Variants in PRKD3 observed in about 807,000 individuals in gnomAD.
PRKD3 encodes serine/threonine-protein kinase D3.
Under a neutral mutation model 99.2 loss-of-function variants are expected in PRKD3, and 47 were observed. The observed-to-expected ratio is 0.47, with a 90% CI of 0.38 to 0.60. The LOEUF (loss-of-function observed/expected upper bound fraction) is 0.60. Among genes scored for constraint, PRKD3 ranks in the 20% least tolerant of loss-of-function variants. The pLI is 0.00. For synonymous variants in PRKD3, 392 were observed against 355.4 expected (o/e 1.10, Z -1.16); for missense variants, 1,019 against 1,088.4 (o/e 0.94, Z 0.90).
chr2:37,256,574 A>G (rs550156769), intron 17 of PRKD3, 88 bp downstream of exon 17: 3 of 1,386,936 alleles, frequency 2.2e-6, no homozygotes, highest in Admixed American at 2.9e-5. Flanking sequence ...AAGTTGCAAG[A>G]GACAGACTGA....
At chr2:37,294,624 C>G (rs972876298) in intron 2 of PRKD3, among the ~76,000 whole-genome samples, 1 of 151,944 alleles carries the variant, frequency 6.6e-6, no homozygotes, top group South Asian at 2.1e-4. Flanking sequence ...TAAAAAGATA[C>G]AAGTAAAAAT....
chr2:37,298,615 A>T (rs1670776786), intron 2 of PRKD3, among the ~76,000 whole-genome samples: 1 of 152,104 alleles, frequency 6.6e-6, no homozygotes, highest in African/African-American at 2.4e-5. Flanking sequence ...AATGTTTTAT[A>T]GTTTTCATTG....
At chr2:37,259,531 T>C in intron 16 of PRKD3, 52 bp downstream of exon 16, 2 of 1,382,428 alleles carry the variant, frequency 1.4e-6, no homozygotes, top group African/African-American at 1.4e-5. Flanking sequence ...ATTATGTGGG[T>C]GCTTTGAAAA....
chr2:37,293,937 T>A (rs531645014), intron 2 of PRKD3, among the ~76,000 whole-genome samples: 1 of 152,216 alleles, frequency 6.6e-6, no homozygotes, highest in East Asian at 1.9e-4. Context: ...CCTGTTTGCT[T>A]TGCCAAATGG....
intron 1 of PRKD3, 122 bp downstream of exon 1, chr2:37,324,551 GTTGGGGGT>G (rs1412104502): frequency 2.0e-5 from 3 of 146,428 alleles, no homozygotes; most frequent in African/African-American, 5.0e-5. Context: ...CAGTTGGGGG[GTTGGGGGT>G]TTGGGGGATG....
At chr2:37,290,085 A>T (rs1250549514) in intron 4 of PRKD3, among the ~76,000 whole-genome samples, 3 of 152,200 alleles carry the variant, frequency 2.0e-5, no homozygotes, top group African/African-American at 4.8e-5. Context: ...ACAAAGTCTA[A>T]AACATTTACT....
chr2:37,310,368 T>C (rs531585427), intron 2 of PRKD3, among the ~76,000 whole-genome samples: 19 of 152,232 alleles, frequency 1.2e-4, no homozygotes, highest in Non-Finnish European at 1.6e-4. Context: ...AAACATATCA[T>C]TTAATATACA....
intron 2 of PRKD3, among the ~76,000 whole-genome samples, chr2:37,314,302 T>C (rs760726919): frequency 3.3e-5 from 5 of 152,194 alleles, no homozygotes; most frequent in Non-Finnish European, 7.4e-5. Context: ...CAGTTTACTA[T>C]ATCGATTTTA....
chr2:37,289,316 A>G (rs1373569135), intron 5 of PRKD3, 40 bp downstream of exon 5: 1 of 1,599,402 alleles, frequency 6.3e-7, no homozygotes, highest in African/African-American at 1.3e-5. Flanking sequence ...AACACAGAGA[A>G]TAACTACTAC....
chr2:37,320,773 A>G lies in PRKD3; in HGVS notation c.-655-3594T>C, dbSNP rs536393947. 5.1e-4 allele frequency among the ~76,000 whole-genome samples: 77 copies of G among 152,312 alleles called. No homozygotes were observed. The South Asian group carries it at 0.016, about 31-fold the overall frequency. On this transcript the variant is annotated intron_variant, in intron 1 of 18. Transcript: ENST00000234179. ...ACTTTGATGAATGTCTTCCCACTAA[A>G]TATCATTTTATTATACCTAGTAATA...
intron 18 of PRKD3, 36 bp from the exon 19 acceptor site, chr2:37,253,386 G>C: frequency 6.5e-7 from 1 of 1,546,328 alleles, no homozygotes; most frequent in Non-Finnish European, 8.8e-7. Flanking sequence ...TGAAACAAAA[G>C]AAACAAAATA....
intron 2 of PRKD3, among the ~76,000 whole-genome samples, chr2:37,297,515 T>C (rs1043513733): frequency 1.3e-5 from 2 of 152,176 alleles, no homozygotes; most frequent in Admixed American, 1.3e-4. Flanking sequence ...GCTCATACTT[T>C]ATTCAGATTT....
intron 16 of PRKD3, 116 bp from the exon 17 acceptor site, chr2:37,257,045 T>C (rs1173717209): frequency 8.9e-6 from 10 of 1,117,588 alleles, no homozygotes; most frequent in Non-Finnish European, 1.3e-5. Context: ...CTACTGATTA[T>C]GAATATTAAT....
intron 12 of PRKD3, among the ~76,000 whole-genome samples, chr2:37,271,309 A>G (rs13390055): frequency 0.12 from 17,924 of 152,106 alleles, 1,437 homozygotes; most frequent in East Asian, 0.35. Flanking sequence ...TATGGCCCCG[A>G]TCTAAAAATG....
intron 2 of PRKD3, among the ~76,000 whole-genome samples, chr2:37,300,300 T>A (rs60495907): frequency 6.6e-6 from 1 of 152,030 alleles, no homozygotes; most frequent in Non-Finnish European, 1.5e-5. Flanking sequence ...ATGTTCTCAC[T>A]TGTATGTGAA....
intron 11 of PRKD3, among the ~76,000 whole-genome samples, chr2:37,273,453 T>C (rs1031867383): frequency 6.6e-6 from 1 of 152,184 alleles, no homozygotes; most frequent in African/African-American, 2.4e-5. Flanking sequence ...ATCTGCCTAC[T>C]GTATTTCTAC....
In PRKD3 at chr2:37,251,224, T is replaced by G. The variant is rs1667463915; in HGVS notation, c.*1953A>C. 3 of 152,618 alleles carry G rather than the reference T, an allele frequency of 2.0e-5. No individual in the cohort carries two copies. The highest frequency in any genetic ancestry group is 4.4e-5 in the Non-Finnish European group (3 of 68,034). 9.5% of individuals were successfully genotyped at this position (152,618 alleles called of 1,614,324 possible). On this transcript the variant is annotated 3_prime_UTR_variant, in exon 19 of 19. Coordinates refer to ENST00000234179, the MANE Select transcript of PRKD3 (RefSeq NM_005813.6). ...AAAAAATTTTTTTTGAAAATTAATT[T>G]GATTTAATCTTTGAAGCTTCTATAG...
chr2:37,303,918 G>C (rs1233511633), intron 2 of PRKD3, among the ~76,000 whole-genome samples: 1 of 151,954 alleles, frequency 6.6e-6, no homozygotes, highest in Non-Finnish European at 1.5e-5. Flanking sequence ...CCACCACTCA[G>C]GTCAAGATAC....
intron 14 of PRKD3, among the ~76,000 whole-genome samples, chr2:37,261,503 G>A (rs940751230): frequency 7.9e-5 from 12 of 151,528 alleles, no homozygotes; most frequent in Non-Finnish European, 1.3e-4. Context: ...AAAAAAGGCC[G>A]GGCGCGGTGG....
Sources: gnomAD v4.1 joint callset for allele counts (sites outside exome capture counted in the v4.1 genomes callset) on GRCh38, gnomAD v4.1.1 for gene constraint, MANE v1.5 for transcripts, NCBI Gene and HGNC (gene_info 2026-07-23, HGNC 2026-07-21) for gene names.